RBFOX1: variants seen among roughly 807,000 people sequenced by gnomAD.
The protein encoded by RBFOX1 is RNA binding fox-1 homolog 1, also known as RNA binding protein fox-1 homolog 1.
RBFOX1 carries 8 observed loss-of-function variants against 57.7 expected under a neutral mutation model. That is an observed-to-expected ratio of 0.14 (90% CI 0.08 to 0.25). The LOEUF (loss-of-function observed/expected upper bound fraction) is 0.25. Among genes scored for constraint, RBFOX1 ranks in the 10% least tolerant of loss-of-function variants. The pLI, the probability that RBFOX1 is intolerant of heterozygous loss-of-function variation, is 1.00. For synonymous variants in RBFOX1, 326 were observed against 222.4 expected, an observed-to-expected ratio of 1.47 and a Z score of -4.15; for missense variants, 611 against 548.5, an observed-to-expected ratio of 1.11 and a Z score of -1.14.
In RBFOX1 at chr16:6,119,383, T is replaced by C. The variant is rs150496767; in HGVS notation, c.-127+99391T>C. Among the ~76,000 whole-genome samples, 91 of 152,262 alleles carry C rather than the reference T, an allele frequency of 6.0e-4. No individual in the cohort carries two copies. The East Asian group carries it at 0.017, about 28-fold the overall frequency. On this transcript the variant is annotated intron_variant, in intron 1 of 15. Coordinates refer to ENST00000550418, the MANE Select transcript of RBFOX1 (RefSeq NM_018723.4). ...AGATCACAATGGAGGGTCAACGATG[T>C]CTTTATATCTTATTACTAGTGATAT... is the stretch of plus-strand genomic sequence containing the variant.
intron 3 of RBFOX1, among the ~76,000 whole-genome samples, chr16:6,841,188 A>G (rs2093442299): frequency 6.6e-6 from 1 of 152,120 alleles, no homozygotes; most frequent in Admixed American, 6.5e-5. Context: ...AGACTAAGAC[A>G]ATGATTATGA....
chr16:6,356,145 A>G (rs2087277876), intron 2 of RBFOX1, among the ~76,000 whole-genome samples: 1 of 152,242 alleles, frequency 6.6e-6, no homozygotes, highest in African/African-American at 2.4e-5. Context: ...TAATGTATGC[A>G]CAGCCTTCAT....
chr16:7,496,747 G>GAAA (rs71150303), intron 4 of RBFOX1, among the ~76,000 whole-genome samples: 2,897 of 127,448 alleles, frequency 0.023, 92 homozygotes, highest in Middle Eastern at 0.042. Flanking sequence ...CTACAGAACA[G>GAAA]AAAAAAAAAA....
chr16:7,405,260 C>T (rs956069654), intron 4 of RBFOX1, among the ~76,000 whole-genome samples: 1 of 152,192 alleles, frequency 6.6e-6, no homozygotes, highest in Non-Finnish European at 1.5e-5. Context: ...CACGGCGCAG[C>T]GCTGATGCCA....
chr16:5,856,181 C>A (rs867531437), intron 3 of RBFOX1, among the ~76,000 whole-genome samples: 1,013 of 49,812 alleles, frequency 0.02, 12 homozygotes, highest in African/African-American at 0.03. Context: ...CTCTCTCTCT[C>A]TCTCTCTATA....
chr16:6,099,068 G>A (rs1028641092), intron 1 of RBFOX1, among the ~76,000 whole-genome samples: 1 of 152,218 alleles, frequency 6.6e-6, no homozygotes, highest in African/African-American at 2.4e-5. Flanking sequence ...CTGGTTGAGA[G>A]TCTGTCATGT....
At chr16:5,320,727 C>G (rs1276382008) in intron 1 of RBFOX1, among the ~76,000 whole-genome samples, 1 of 152,198 alleles carries the variant, frequency 6.6e-6, no homozygotes. Flanking sequence ...GGCTTGGAGT[C>G]TGCAGTAGGG....
chr16:5,621,577 G>T (rs549736661), intron 3 of RBFOX1, among the ~76,000 whole-genome samples: 2 of 152,238 alleles, frequency 1.3e-5, no homozygotes, highest in East Asian at 3.9e-4. Flanking sequence ...AGGCATCAGC[G>T]GGATTCAGTG....
At chr16:6,761,911 C>T (rs1398401539) in intron 3 of RBFOX1, among the ~76,000 whole-genome samples, 1 of 152,110 alleles carries the variant, frequency 6.6e-6, no homozygotes, top group Non-Finnish European at 1.5e-5. Flanking sequence ...CCCACATTGT[C>T]TTCACCTCTA....
intron 3 of RBFOX1, among the ~76,000 whole-genome samples, chr16:6,918,995 T>A (rs2073874123): frequency 6.6e-6 from 1 of 152,134 alleles, no homozygotes. Context: ...GTTTGTTTGT[T>A]TTTGAGGCAG....
Position 7,040,022 on chromosome 16 carries a change from CATT to C in RBFOX1, c.-15-12022_-15-12020del, listed in dbSNP as rs918275039. 9.3e-5 allele frequency among the ~76,000 whole-genome samples: 8 copies of C among 85,894 alleles called. No homozygotes were observed. The South Asian group carries it at 3.4e-3, about 36-fold the overall frequency. The allele number at this position is 85,894 out of a possible 152,430, so 56.3% of individuals were successfully genotyped here. A position where few individuals can be genotyped will look rare whatever the true frequency, so the allele number is the denominator to read the frequency against. On this transcript the variant is annotated intron_variant, in intron 3 of 15. Transcript: ENST00000550418. ...GTTATTTTATTATTATTATTATTAT[CATT>C]ATTATTATTATTTTGAGACAAAGTC...
At chr16:7,504,470 C>G (rs1169876486) in intron 4 of RBFOX1, among the ~76,000 whole-genome samples, 8 of 151,066 alleles carry the variant, frequency 5.3e-5, no homozygotes, top group East Asian at 2.0e-4. Context: ...GTCAGAATGT[C>G]TCAAAAATAT....
At chr16:6,631,895 CAA>C (rs1208301981) in intron 2 of RBFOX1, among the ~76,000 whole-genome samples, 1 of 151,918 alleles carries the variant, frequency 6.6e-6, no homozygotes, top group Non-Finnish European at 1.5e-5. Flanking sequence ...TCATTGTAGC[CAA>C]AGAGGAGTGA....
intron 4 of RBFOX1, among the ~76,000 whole-genome samples, chr16:7,104,643 A>G (rs941851033): frequency 2.6e-5 from 4 of 152,180 alleles, no homozygotes; most frequent in Admixed American, 2.6e-4. Flanking sequence ...GGGTATTTAC[A>G]TCGGGACACC....
At chr16:7,291,004 C>G (rs1222444538) in intron 4 of RBFOX1, among the ~76,000 whole-genome samples, 2 of 152,292 alleles carry the variant, frequency 1.3e-5, no homozygotes, top group Admixed American at 6.5e-5. Context: ...ATTTATTTAA[C>G]TAGGCACTGG....
chr16:7,596,765 T>A (rs2094721989), intron 8 of RBFOX1, among the ~76,000 whole-genome samples: 1 of 152,206 alleles, frequency 6.6e-6, no homozygotes, highest in African/African-American at 2.4e-5. Context: ...CCCCATATTG[T>A]GTTAAACAAT....
intron 4 of RBFOX1, among the ~76,000 whole-genome samples, chr16:7,361,005 A>G (rs2097309518): frequency 6.6e-6 from 1 of 152,202 alleles, no homozygotes; most frequent in African/African-American, 2.4e-5. Context: ...ATGAGAAAGA[A>G]TGAATGGGAA....
chr16:6,949,735 AC>A (rs1243053361), intron 3 of RBFOX1, among the ~76,000 whole-genome samples: 4 of 152,066 alleles, frequency 2.6e-5, no homozygotes, highest in Non-Finnish European at 5.9e-5. Context: ...AGGAGTTAAG[AC>A]TTCAACTAGG....
At chr16:7,050,426 C>T (rs577031296) in intron 3 of RBFOX1, among the ~76,000 whole-genome samples, 128 of 152,016 alleles carry the variant, frequency 8.4e-4, no homozygotes, top group Non-Finnish European at 1.4e-3. Context: ...CCACCATGCC[C>T]AGCTAATTTT....
Sources: gnomAD v4.1 joint callset for allele counts (sites outside exome capture counted in the v4.1 genomes callset) on GRCh38, gnomAD v4.1.1 for gene constraint, MANE v1.5 for transcripts, NCBI Gene and HGNC (gene_info 2026-07-23, HGNC 2026-07-21) for gene names.